The following ABCA10 variants were observed in gnomAD, a reference collection of about 807,000 sequenced individuals.
ABCA10 encodes the protein ATP binding cassette subfamily A member 10.
ABCA10 carries 169 observed loss-of-function variants against 187.5 expected under a neutral mutation model. The observed-to-expected ratio is 0.90, with a 90% CI of 0.80 to 1.02. The LOEUF (loss-of-function observed/expected upper bound fraction) is 1.02. Among genes scored for constraint, ABCA10 ranks in the 50% least tolerant of loss-of-function variants. ABCA10 has a pLI of 0.00. For missense variants in ABCA10, 1,727 were observed against 1,812.4 expected (o/e 0.95, Z 0.86); for synonymous variants, 574 against 601.8 (o/e 0.95, Z 0.68).
chr17:69,168,356 C>G (rs925631698), intron 25 of ABCA10, among the ~76,000 whole-genome samples: 5 of 152,058 alleles, frequency 3.3e-5, no homozygotes, highest in African/African-American at 1.2e-4. Flanking sequence ...GAATCATTCT[C>G]TTTTATATTC....
intron 20 of ABCA10, among the ~76,000 whole-genome samples, chr17:69,183,245 C>A (rs2074393996): frequency 6.6e-6 from 1 of 152,122 alleles, no homozygotes. Context: ...CTAACCTTGC[C>A]ATGATATTTA....
At chr17:69,202,678 G>T (rs1164023933) in intron 9 of ABCA10, among the ~76,000 whole-genome samples, 1 of 151,966 alleles carries the variant, frequency 6.6e-6, no homozygotes, top group Non-Finnish European at 1.5e-5. Flanking sequence ...TTATGATCTG[G>T]AATTATACAG....
intron 9 of ABCA10, among the ~76,000 whole-genome samples, chr17:69,203,881 G>C (rs2074568818): frequency 1.3e-5 from 2 of 152,176 alleles, no homozygotes; most frequent in Non-Finnish European, 2.9e-5. Context: ...TACAGATAGA[G>C]AAAAGCTATG....
intron 25 of ABCA10, among the ~76,000 whole-genome samples, chr17:69,166,721 C>T (rs901468683): frequency 2.0e-5 from 3 of 152,126 alleles, no homozygotes; most frequent in African/African-American, 7.2e-5. Context: ...ACAGAGAAAG[C>T]AGCTTCCGCC....
At chr17:69,152,022 C>A in intron 36 of ABCA10, 21 bp downstream of exon 36, 1 of 1,599,112 alleles carries the variant, frequency 6.3e-7, no homozygotes, top group South Asian at 1.1e-5. Flanking sequence ...ACTTGTCACT[C>A]AAACCGAAAA....
At position 69,152,154 on chromosome 17, in the gene ABCA10, T is replaced by C. The variant is rs376126204; in HGVS notation, c.4286A>G (p.Asn1429Ser). The C allele has an allele frequency of 1.2e-6, 2 of 1,612,966 alleles. No individual in the cohort carries two copies. The highest frequency in any genetic ancestry group is 1.7e-6 in the Non-Finnish European group (2 of 1,179,730). Reference sequence around the variant, plus strand: ...TAGTAAATAATCTCTACCAAACTTGTTTTTCAGATGTTGAATGGAACCAAT... The same window carrying C: ...TAGTAAATAATCTCTACCAAACTTGCTTTTCAGATGTTGAATGGAACCAAT... The part of the protein sequence containing the change: ...RCIGSIQHLK[N>S]KFGRDYLLEI... Residue 1429 changes from asparagine to serine, a missense_variant, in exon 36 of 39, where the codon AAC becomes AGC. Coordinates refer to ENST00000690296, the MANE Select transcript of ABCA10 (RefSeq NM_001377321.1).
At position 69,191,286 on chromosome 17, in the gene ABCA10, T is replaced by TC. The variant is rs775937750; in HGVS notation, c.1900dup (p.Glu634GlyfsTer8). 2 of 1,597,860 alleles carry TC rather than the reference T, an allele frequency of 1.3e-6. No individual in the cohort carries two copies. The highest frequency in any genetic ancestry group is 2.3e-5 in the South Asian group (2 of 88,198). On this transcript the variant is annotated frameshift_variant, in exon 17 of 39. Coordinates refer to ENST00000690296, the MANE Select transcript of ABCA10 (RefSeq NM_001377321.1). ...CTGCTTAATAAGGGATGTGATTTTT[T>TC]CTGTGTCACACATTTCATTCCTGTG...
At chr17:69,230,676 A>G (rs994383567), upstream of ABCA10, among the ~76,000 whole-genome samples, 32 of 152,046 alleles carry the variant, frequency 2.1e-4, no homozygotes, top group African/African-American at 7.2e-4. Flanking sequence ...TAAATGTACT[A>G]TATTAATGAA....
intron 16 of ABCA10, 32 bp downstream of exon 16, chr17:69,192,531 C>G: frequency 6.5e-7 from 1 of 1,542,098 alleles, no homozygotes; most frequent in Non-Finnish European, 8.9e-7. Flanking sequence ...TTAATATGCT[C>G]ATTTAAAAAT....
At position 69,156,851 on chromosome 17, in the gene ABCA10, T is replaced by C; in HGVS notation, c.3436A>G (p.Asn1146Asp). 6.3e-7 allele frequency: 1 copy of C among 1,582,014 alleles called. No individual in the cohort carries two copies. The highest frequency in any genetic ancestry group is 8.6e-7 in the Non-Finnish European group (1 of 1,162,438). ...LEMKYGNEIM[N>D]KDPVFRISPR... Reference sequence around the variant, plus strand: ...CCCAACCTGAAAACTGGGTCTTTATTCATTATTTCATTTCCATACTTCATT... The same window carrying C: ...CCCAACCTGAAAACTGGGTCTTTATCCATTATTTCATTTCCATACTTCATT... Residue 1146 changes from asparagine to aspartate, a missense_variant, in exon 28 of 39, where the codon AAT becomes GAT. Transcript: ENST00000690296.
chr17:69,207,808 G>C (rs1280983951), intron 9 of ABCA10, among the ~76,000 whole-genome samples: 1 of 152,100 alleles, frequency 6.6e-6, no homozygotes, highest in Non-Finnish European at 1.5e-5. Context: ...GTTAGTCAAA[G>C]GATACAAAGT....
intron 1 of ABCA10, among the ~76,000 whole-genome samples, chr17:69,242,830 A>G (rs926723756): frequency 6.6e-6 from 1 of 152,192 alleles, no homozygotes; most frequent in African/African-American, 2.4e-5. Context: ...ATGAATTTGG[A>G]TGAAACGTAA....
In ABCA10 at chr17:69,153,850, C is replaced by T. The variant is rs754919048; in HGVS notation, c.3946G>A (p.Ala1316Thr). 6.2e-7 allele frequency: 1 copy of T among 1,613,602 alleles called. No individual in the cohort carries two copies. Among genetic ancestry groups the T allele is most frequent in the East Asian group, 2.2e-5 (1 of 44,876 alleles). The change falls in exon 32 of 39, where the codon GCT (alanine) becomes ACT (threonine). Residue 1316 changes from alanine to threonine, a missense_variant. Physicochemically the swap from Ala to Thr is moderately conservative, Grantham distance 58. Transcript: ENST00000690296. ...AAVKGLGKED[A>T]ALSISRLVEA... ...CTGTACCGTGAAATACTGAGAGCAG[C>T]ATCTTCTTTGCCCAGTCCTTTCACA...
intron 9 of ABCA10, among the ~76,000 whole-genome samples, chr17:69,208,885 T>TA (rs1372244865): frequency 1.3e-5 from 2 of 151,950 alleles, no homozygotes; most frequent in African/African-American, 4.8e-5. Context: ...AAAAAATTTT[T>TA]AAAAAAATTA....
At position 69,219,554 on chromosome 17, in the gene ABCA10, G is replaced by T; in HGVS notation, c.521C>A (p.Ser174Ter). Residue 174 changes from serine (S) to a stop codon, truncating the protein, a stop_gained, in exon 6 of 39, where the codon TCA (serine) becomes TAA (stop). Transcript: ENST00000690296. LOFTEE classifies it high-confidence loss of function. ...KLMTVMGLRE[S>*]AFWLSWGLTY... ...TAGCAACTTAACTTACCAGAATGCT[G>T]ACTCTCGGAGACCCATCACTGTCAT... is the stretch of plus-strand genomic sequence containing the variant. 1 of 1,569,340 alleles carries T rather than the reference G, an allele frequency of 6.4e-7. No individual in the cohort carries two copies. Among genetic ancestry groups the T allele is most frequent in the South Asian group, 1.2e-5 (1 of 81,144 alleles).
intron 25 of ABCA10, among the ~76,000 whole-genome samples, chr17:69,171,364 A>G (rs1350092353): frequency 6.6e-6 from 1 of 152,224 alleles, no homozygotes; most frequent in East Asian, 1.9e-4. Context: ...TAAGTAGTCA[A>G]TGAGTAAAAA....
At chr17:69,222,243 CAGG>C in intron 4 of ABCA10, among the ~76,000 whole-genome samples, 1 of 151,246 alleles carries the variant, frequency 6.6e-6, no homozygotes, top group South Asian at 2.1e-4. Flanking sequence ...GAGGCTTAGG[CAGG>C]AGAATCACTG....
intron 9 of ABCA10, among the ~76,000 whole-genome samples, chr17:69,212,950 A>G (rs545355708): frequency 2.0e-5 from 3 of 152,240 alleles, no homozygotes; most frequent in South Asian, 4.1e-4. Flanking sequence ...TTTACATTCA[A>G]TGTGGGTATT....
intron 20 of ABCA10, among the ~76,000 whole-genome samples, chr17:69,183,152 A>G (rs2074393335): frequency 6.6e-6 from 1 of 152,226 alleles, no homozygotes; most frequent in Admixed American, 6.5e-5. Context: ...GAACCCTGTA[A>G]TATTTGTAAT....
Sources: gnomAD v4.1 joint callset for allele counts (sites outside exome capture counted in the v4.1 genomes callset) on GRCh38, gnomAD v4.1.1 for gene constraint, MANE v1.5 for transcripts, NCBI Gene and HGNC (gene_info 2026-07-23, HGNC 2026-07-21) for gene names.